The following SORL1 variants were observed in gnomAD, a reference collection of about 807,000 sequenced individuals.
The protein encoded by SORL1 is sortilin related receptor 1, also known as sortilin-related receptor.
In SORL1, 127 loss-of-function variants were observed where a neutral mutation model predicts 273.7. That is an observed-to-expected ratio of 0.46 (90% CI 0.40 to 0.54). The LOEUF is 0.54. Ranked by LOEUF, SORL1 falls within the 20% of genes least tolerant of loss-of-function variation. The probability of loss-of-function intolerance (pLI) is 0.00; values close to 1 mark genes in which losing one functional copy is unlikely to be tolerated. For synonymous variants in SORL1, 1,031 were observed against 1,067.4 expected (o/e 0.97, Z 0.66); for missense variants, 2,494 against 2,846.1 (o/e 0.88, Z 2.81).
chr11:121,539,591 T>C (rs186812905), intron 12 of SORL1, among the ~76,000 whole-genome samples: 15 of 152,070 alleles, frequency 9.9e-5, no homozygotes, highest in African/African-American at 3.1e-4. Context: ...TTGATAAAGA[T>C]AAAAGCAAAA....
chr11:121,597,756 G>A (rs1032832321), intron 32 of SORL1, among the ~76,000 whole-genome samples: 3 of 152,168 alleles, frequency 2.0e-5, no homozygotes. Context: ...CACCACGCCC[G>A]GTGACTGGCA....
intron 1 of SORL1, among the ~76,000 whole-genome samples, chr11:121,456,607 G>T (rs935254422): frequency 1.3e-5 from 2 of 152,208 alleles, no homozygotes; most frequent in African/African-American, 4.8e-5. Context: ...TTTCAATGAA[G>T]AGCTTGGATT....
intron 26 of SORL1, among the ~76,000 whole-genome samples, chr11:121,585,430 C>T (rs1410290458): frequency 4.0e-5 from 6 of 151,546 alleles, no homozygotes; most frequent in Non-Finnish European, 8.8e-5. Flanking sequence ...CTGCAGTGAA[C>T]TGTGATCACG....
chr11:121,558,846 A>G lies in SORL1; in HGVS notation c.2910+9A>G, dbSNP rs1337511555. On this transcript the variant is annotated intron_variant, in intron 20 of 47. Coordinates refer to ENST00000260197, the MANE Select transcript of SORL1 (RefSeq NM_003105.6). Reference sequence around the variant, plus strand: ...CCATTGCTGTCTTTAAGGTGAGTCCATTTGTTGCTGCCGGACAGTCTGCTA... The same window carrying G: ...CCATTGCTGTCTTTAAGGTGAGTCCGTTTGTTGCTGCCGGACAGTCTGCTA... 1.2e-6 allele frequency: 2 copies of G among 1,613,826 alleles called. No homozygotes were observed. The highest frequency in any genetic ancestry group is 2.2e-5 in the East Asian group (1 of 44,866).
intron 38 of SORL1, 126 bp from the exon 39 acceptor site, chr11:121,610,950 C>A: frequency 1.5e-6 from 1 of 662,578 alleles, no homozygotes; most frequent in Non-Finnish European, 2.7e-6. Flanking sequence ...AGGAACACTG[C>A]CAAAGAAATA....
At position 121,627,774 on chromosome 11, in the gene SORL1, G is replaced by T; in HGVS notation, c.6577+7G>T. 6.2e-7 allele frequency: 1 copy of T among 1,607,244 alleles called. No individual in the cohort carries two copies. The highest frequency in any genetic ancestry group is 8.5e-7 in the Non-Finnish European group (1 of 1,175,102). On this transcript the variant is annotated splice_region_variant and intron_variant, in intron 47 of 47. Coordinates refer to ENST00000260197, the MANE Select transcript of SORL1 (RefSeq NM_003105.6). This position sits in a 1 kb window ranked among gnomAD's most constrained non-coding sequence, Gnocchi z 4.9. ...TCCTCTGGGGATGACCTGGGTAAGT[G>T]GGGCAGGGAGAGTCGGTTCTTCCTC...
chr11:121,516,882 T>C (rs1446707526), intron 8 of SORL1, among the ~76,000 whole-genome samples: 1 of 152,038 alleles, frequency 6.6e-6, no homozygotes, highest in East Asian at 1.9e-4. Context: ...TGAAAGCCCA[T>C]CTCTACTAAA....
chr11:121,532,392 TG>T, intron 11 of SORL1, 71 bp from the exon 12 acceptor site: 1 of 1,344,816 alleles, frequency 7.4e-7, no homozygotes, highest in Middle Eastern at 1.8e-4. Flanking sequence ...TGCATGCCTG[TG>T]GGCATGTGTA....
chr11:121,588,234 T>C lies in SORL1; in HGVS notation c.3946+83T>C. The C allele has an allele frequency of 2.0e-6, 3 of 1,511,682 alleles. No homozygotes were observed. In the South Asian group the frequency reaches 3.4e-5, roughly 17 times the overall value. 93.6% of individuals were successfully genotyped at this position (1,511,682 alleles called of 1,614,324 possible). On this transcript the variant is annotated intron_variant, in intron 28 of 47. Transcript: ENST00000260197. ...TTTGGCCACCCTGGGGTTGTGTCTC[T>C]ATTTAATAACTGACAGGTCTTGGTT...
At position 121,627,812 on chromosome 11, in the gene SORL1, C is replaced by A; in HGVS notation, c.6577+45C>A. 7.1e-7 allele frequency: 1 copy of A among 1,408,640 alleles called. No homozygotes were observed. The allele number at this position is 1,408,640 out of a possible 1,614,324, so 87.3% of individuals were successfully genotyped here. A position where few individuals can be genotyped will look rare whatever the true frequency, so the allele number is the denominator to read the frequency against. On this transcript the variant is annotated intron_variant, in intron 47 of 47. Transcript: ENST00000260197. This position sits in a 1 kb window ranked among gnomAD's most constrained non-coding sequence, Gnocchi z 4.9. The stretch of plus-strand genomic sequence containing the variant: ...TCGGTTCTTCCTCCCAGGGCTGACC[C>A]CCACGCAGCCAATGACTTGATTAGG...
rs1357486196 is a variant in SORL1 at position 121,627,758 on chromosome 11, G to A, written c.6568G>A (p.Asp2190Asn). Reference sequence around the variant, plus strand: ...GGGGTCCGCAATCTTCTCCTCTGGGGATGACCTGGGTAAGTGGGGCAGGGA... The same window carrying A: ...GGGGTCCGCAATCTTCTCCTCTGGGAATGACCTGGGTAAGTGGGGCAGGGA... ...RLGSAIFSSGDDLGEDDEDAP... is the reference protein window; with the variant it reads ...RLGSAIFSSGNDLGEDDEDAP... The change falls in exon 47 of 48, where the codon GAT becomes AAT. Residue 2190 changes from aspartate (D) to asparagine (N), a missense_variant. Coordinates refer to ENST00000260197, the MANE Select transcript of SORL1 (RefSeq NM_003105.6). The surrounding 1 kb of genome is among the most constrained non-coding windows in gnomAD (Gnocchi z 4.9). 6.8e-6 allele frequency: 11 copies of A among 1,612,932 alleles called. No homozygotes were observed. Among genetic ancestry groups the A allele is most frequent in the African/African-American group, 1.3e-5 (1 of 74,898 alleles).
At chr11:121,581,598 G>T (rs1387413246) in intron 25 of SORL1, among the ~76,000 whole-genome samples, 4 of 152,096 alleles carry the variant, frequency 2.6e-5, no homozygotes, top group African/African-American at 9.6e-5. Context: ...CTCAAAATCA[G>T]AGCTCATAAG....
At chr11:121,574,907 G>A (rs148999663) in intron 24 of SORL1, among the ~76,000 whole-genome samples, 196 of 152,190 alleles carry the variant, frequency 1.3e-3, no homozygotes, top group African/African-American at 4.6e-3. Flanking sequence ...GTGGGTGTGA[G>A]ATTAGCCTGC....
intron 6 of SORL1, among the ~76,000 whole-genome samples, chr11:121,510,135 G>T (rs1861854353): frequency 6.6e-6 from 1 of 152,180 alleles, no homozygotes; most frequent in African/African-American, 2.4e-5. Flanking sequence ...AGATGTCTAA[G>T]ATACATTGCC....
At chr11:121,585,723 T>G (rs1451543881) in intron 26 of SORL1, among the ~76,000 whole-genome samples, 1 of 152,232 alleles carries the variant, frequency 6.6e-6, no homozygotes, top group Non-Finnish European at 1.5e-5. Flanking sequence ...ATTGTCCTAT[T>G]TCATACCCAT....
chr11:121,541,912 CT>C (rs1157029150), intron 12 of SORL1, among the ~76,000 whole-genome samples: 2 of 152,196 alleles, frequency 1.3e-5, no homozygotes, highest in African/African-American at 4.8e-5. Context: ...GTCTTGGAGA[CT>C]TTCCTCAGTA....
Position 121,554,120 on chromosome 11 carries a change from G to T in SORL1, c.2439+11G>T. On this transcript the variant is annotated intron_variant, in intron 17 of 47. Coordinates refer to ENST00000260197, the MANE Select transcript of SORL1 (RefSeq NM_003105.6). This position sits in a 1 kb window ranked among gnomAD's most constrained non-coding sequence, Gnocchi z 4.6. ...TTGGACGTCATCCAGGTGAGTCAGCGCTTGGTCTGACTGTGGGAGCTGTGC... is the reference window on the plus strand; with the variant it reads ...TTGGACGTCATCCAGGTGAGTCAGCTCTTGGTCTGACTGTGGGAGCTGTGC... 1 of 1,611,266 alleles carries T rather than the reference G, an allele frequency of 6.2e-7. No individual in the cohort carries two copies. The highest frequency in any genetic ancestry group is 8.5e-7 in the Non-Finnish European group (1 of 1,177,938).
rs898267407 is a variant in SORL1 at position 121,535,074 on chromosome 11, C to T, written c.1685+2522C>T. Among the ~76,000 whole-genome samples, 8 of 145,090 alleles carry T rather than the reference C, an allele frequency of 5.5e-5. No homozygotes were observed. In the Admixed American group the frequency reaches 5.6e-4, roughly 10 times the overall value. On this transcript the variant is annotated intron_variant, in intron 12 of 47. Coordinates refer to ENST00000260197, the MANE Select transcript of SORL1 (RefSeq NM_003105.6). ...AAATAGGTCATGCATACTTAATCATCCAAGATTGCTTATGGTTTTTTTTTT... is the reference window on the plus strand; with the variant it reads ...AAATAGGTCATGCATACTTAATCATTCAAGATTGCTTATGGTTTTTTTTTT...
chr11:121,487,938 A>T (rs748876126), intron 3 of SORL1, 94 bp from the exon 4 acceptor site: 2 of 1,333,502 alleles, frequency 1.5e-6, no homozygotes, highest in Admixed American at 1.9e-5. Context: ...GCCCCTGCAC[A>T]TGTGTGTACT....
Sources: gnomAD v4.1 joint callset for allele counts (sites outside exome capture counted in the v4.1 genomes callset) on GRCh38, gnomAD v4.1.1 for gene constraint, Gnocchi (gnomAD v3.1) non-coding constraint, MANE v1.5 for transcripts, NCBI Gene and HGNC (gene_info 2026-07-23, HGNC 2026-07-21) for gene names.